Variants in PTPRN2 observed in about 807,000 individuals in gnomAD.
PTPRN2 encodes the protein protein tyrosine phosphatase receptor type N2.
PTPRN2 carries 74 observed loss-of-function variants against 118.8 expected under a neutral mutation model. The observed-to-expected ratio is 0.62, with a 90% CI of 0.52 to 0.76. The LOEUF is 0.76. Among genes scored for constraint, PTPRN2 ranks in the 30% least tolerant of loss-of-function variants. The probability of loss-of-function intolerance (pLI) is 0.00; values close to 1 mark genes in which losing one functional copy is unlikely to be tolerated. For synonymous variants in PTPRN2, 641 were observed against 608.0 expected (o/e 1.05, Z -0.80); for missense variants, 1,481 against 1,394.4 (o/e 1.06, Z -0.99).
chr7:158,495,456 G>C (rs1821765395), intron 1 of PTPRN2, among the ~76,000 whole-genome samples: 1 of 152,088 alleles, frequency 6.6e-6, no homozygotes, highest in Admixed American at 6.5e-5. Flanking sequence ...TGCATTCTCA[G>C]ATGTAAATGA....
intron 2 of PTPRN2, among the ~76,000 whole-genome samples, chr7:158,394,339 A>G (rs1812166726): frequency 6.6e-6 from 1 of 152,168 alleles, no homozygotes. Flanking sequence ...ACAAAAATCC[A>G]TGGCTGCTTT....
chr7:157,722,317 G>T (rs887127314), intron 12 of PTPRN2, among the ~76,000 whole-genome samples: 1 of 152,242 alleles, frequency 6.6e-6, no homozygotes, highest in East Asian at 1.9e-4. Flanking sequence ...GAGTGATCCC[G>T]CCAGGGAGGG....
intron 11 of PTPRN2, among the ~76,000 whole-genome samples, chr7:157,992,674 A>G (rs1158983176): frequency 6.6e-6 from 1 of 152,216 alleles, no homozygotes; most frequent in Non-Finnish European, 1.5e-5. Context: ...GGGTGGCCCA[A>G]CAGAGAGCAG....
At chr7:158,507,433 C>G (rs565258152) in intron 1 of PTPRN2, among the ~76,000 whole-genome samples, 1 of 151,648 alleles carries the variant, frequency 6.6e-6, no homozygotes, top group South Asian at 2.1e-4. Context: ...TGAGGACCAT[C>G]CAGGGGACAG....
intron 1 of PTPRN2, among the ~76,000 whole-genome samples, chr7:158,530,517 C>A (rs550041265): frequency 2.0e-5 from 3 of 152,236 alleles, no homozygotes; most frequent in African/African-American, 7.2e-5. Flanking sequence ...TCTGGTACCC[C>A]ACGACTTAAA....
chr7:157,878,417 G>A (rs1245888007), intron 12 of PTPRN2, among the ~76,000 whole-genome samples: 1 of 149,760 alleles, frequency 6.7e-6, no homozygotes, highest in Non-Finnish European at 1.5e-5. Flanking sequence ...GGGTCAGTGT[G>A]ATACCGTGCA....
intron 14 of PTPRN2, among the ~76,000 whole-genome samples, chr7:157,639,749 C>T (rs1585151613): frequency 6.6e-6 from 1 of 152,328 alleles, no homozygotes; most frequent in East Asian, 1.9e-4. Flanking sequence ...AGAGCTGGAC[C>T]CGAGCCCCCC....
chr7:158,281,891 C>T (rs1799452935), intron 3 of PTPRN2, among the ~76,000 whole-genome samples: 1 of 152,250 alleles, frequency 6.6e-6, no homozygotes, highest in Non-Finnish European at 1.5e-5. Flanking sequence ...GCATAACTCA[C>T]TTTGGTCACC....
chr7:157,985,902 G>A (rs1439934983), intron 11 of PTPRN2, among the ~76,000 whole-genome samples: 1 of 150,406 alleles, frequency 6.6e-6, no homozygotes, highest in Admixed American at 6.6e-5. Flanking sequence ...GTTGAATCTC[G>A]AGAGCAGGGA....
At chr7:158,205,860 G>C (rs751588769) in intron 3 of PTPRN2, among the ~76,000 whole-genome samples, 8 of 152,130 alleles carry the variant, frequency 5.3e-5, no homozygotes, top group Non-Finnish European at 1.2e-4. Flanking sequence ...AACTCAACCA[G>C]AGCCCATGGA....
At chr7:158,366,675 C>T (rs1381754145) in intron 2 of PTPRN2, among the ~76,000 whole-genome samples, 1 of 152,088 alleles carries the variant, frequency 6.6e-6, no homozygotes, top group Non-Finnish European at 1.5e-5. Flanking sequence ...GGTGGTTCTT[C>T]TGCCACATTT....
At position 157,611,947 on chromosome 7, in the gene PTPRN2, G is replaced by A. The variant is rs547428938; in HGVS notation, c.2345-7872C>T. 5.3e-5 allele frequency among the ~76,000 whole-genome samples: 8 copies of A among 152,122 alleles called. No homozygotes were observed. The South Asian group carries it at 1.2e-3, about 24-fold the overall frequency. On this transcript the variant is annotated intron_variant, in intron 15 of 22. Coordinates refer to ENST00000389418, the MANE Select transcript of PTPRN2 (RefSeq NM_002847.5). The surrounding 1 kb of genome is among the most constrained non-coding windows in gnomAD (Gnocchi z 5.9). ...TGTGAAGACGAAGACAGCCGTGGTCGTGCTGAGGAGCGAGGCCTCCAGAGA... is the reference window on the plus strand; with the variant it reads ...TGTGAAGACGAAGACAGCCGTGGTCATGCTGAGGAGCGAGGCCTCCAGAGA...
intron 12 of PTPRN2, among the ~76,000 whole-genome samples, chr7:157,745,985 A>C (rs1800902950): frequency 7.0e-6 from 1 of 142,518 alleles, no homozygotes. Context: ...CACAGTCCTC[A>C]CAGGGCCCTG....
At position 157,944,545 on chromosome 7, in the gene PTPRN2, TATA is replaced by T. The variant is rs371593396; in HGVS notation, c.1724-45811_1724-45809del. Among the ~76,000 whole-genome samples the T allele has an allele frequency of 3.3e-3, 499 of 152,316 alleles. 6 individuals carry two copies. The highest frequency in any genetic ancestry group is 0.011 in the African/African-American group (478 of 41,582). ...CTGCAAGCATCCGCACTGCTGCAAA[TATA>T]ATAATTGTTTGAAAGCATAACATTT... is the stretch of plus-strand genomic sequence containing the variant. On this transcript the variant is annotated intron_variant, in intron 11 of 22. Coordinates refer to ENST00000389418, the MANE Select transcript of PTPRN2 (RefSeq NM_002847.5). The surrounding 1 kb of genome is among the most constrained non-coding windows in gnomAD (Gnocchi z 4.3).
intron 11 of PTPRN2, among the ~76,000 whole-genome samples, chr7:158,001,668 G>A (rs1329498504): frequency 8.5e-5 from 13 of 152,140 alleles, no homozygotes; most frequent in African/African-American, 1.7e-4. Flanking sequence ...CCTCAGGACC[G>A]CCCTGTCATG....
At chr7:158,160,735 T>C (rs1822284939) in intron 6 of PTPRN2, among the ~76,000 whole-genome samples, 2 of 152,204 alleles carry the variant, frequency 1.3e-5, no homozygotes, top group South Asian at 4.1e-4. Flanking sequence ...CATGCTTTTA[T>C]ACATCTCCCT....
chr7:158,256,227 C>A (rs528065544), intron 3 of PTPRN2, among the ~76,000 whole-genome samples: 8 of 152,266 alleles, frequency 5.3e-5, no homozygotes, highest in Non-Finnish European at 8.8e-5. Flanking sequence ...CAGCTTTGGA[C>A]CAAGCTCTGT....
chr7:158,058,255 A>T (rs12540732), intron 11 of PTPRN2, among the ~76,000 whole-genome samples: 1 of 125,046 alleles, frequency 8.0e-6, no homozygotes. Context: ...CCACGGTGAC[A>T]CATCACTGCA....
chr7:158,008,394 G>T (rs951984602), intron 11 of PTPRN2, among the ~76,000 whole-genome samples: 3 of 152,216 alleles, frequency 2.0e-5, no homozygotes, highest in African/African-American at 7.2e-5. Flanking sequence ...AGAGAAGGCC[G>T]CGGGGGCTCC....
Sources: allele counts gnomAD v4.1 joint callset (sites outside exome capture counted in the v4.1 genomes callset), GRCh38; gene constraint gnomAD v4.1.1; non-coding constraint Gnocchi (gnomAD v3.1); transcripts MANE v1.5; gene names NCBI Gene and HGNC (gene_info 2026-07-23, HGNC 2026-07-21).